Variants in SGCZ observed in about 807,000 individuals in gnomAD.
SGCZ encodes zeta-sarcoglycan.
In SGCZ, 40 loss-of-function variants were observed where a neutral mutation model predicts 41.3. The ratio of observed to expected loss-of-function variants is 0.97; its 90% confidence interval spans 0.75 to 1.26. SGCZ has a LOEUF of 1.26. SGCZ is among the 50% of genes most tolerant of loss of function. The pLI, the probability that SGCZ is intolerant of heterozygous loss-of-function variation, is 0.00. For synonymous variants in SGCZ, 206 were observed against 137.5 expected (o/e 1.50, Z -3.49); for missense variants, 552 against 369.8 (o/e 1.49, Z -4.04).
rs184218197 is a variant in SGCZ, at chr8:14,192,918, G to C, written c.425-28216C>G. Among the ~76,000 whole-genome samples, 620 of 152,038 alleles carry C rather than the reference G, an allele frequency of 4.1e-3. 2 individuals are homozygous for C. The highest frequency in any genetic ancestry group is 0.014 in the Middle Eastern group (4 of 294). ...TTTATACATTATATGTTTATGATTG[G>C]TGTACATGTCCGTGTATATTCAAAG... is the stretch of plus-strand genomic sequence containing the variant. On this transcript the variant is annotated intron_variant, in intron 4 of 7. Coordinates refer to ENST00000382080, the MANE Select transcript of SGCZ (RefSeq NM_139167.4).
intron 2 of SGCZ, among the ~76,000 whole-genome samples, chr8:14,480,187 A>G (rs1162843810): frequency 6.6e-6 from 1 of 152,228 alleles, no homozygotes; most frequent in Admixed American, 6.5e-5. Flanking sequence ...AATATAGGTA[A>G]CTATTTATAC....
intron 2 of SGCZ, among the ~76,000 whole-genome samples, chr8:14,510,648 C>T (rs1802441329): frequency 6.6e-6 from 1 of 152,116 alleles, no homozygotes; most frequent in African/African-American, 2.4e-5. Context: ...GAAGTGAGGC[C>T]TGTAAGGGCA....
At chr8:14,818,948 T>G (rs990112195) in intron 1 of SGCZ, among the ~76,000 whole-genome samples, 1 of 151,916 alleles carries the variant, frequency 6.6e-6, no homozygotes, top group African/African-American at 2.4e-5. Flanking sequence ...GGTATTCCAG[T>G]TGTAGAAGAG....
intron 1 of SGCZ, among the ~76,000 whole-genome samples, chr8:15,024,584 A>T (rs549115798): frequency 6.6e-6 from 1 of 152,340 alleles, no homozygotes; most frequent in Middle Eastern, 3.4e-3. Context: ...GATAAAAGAA[A>T]AAGTAGAGCA....
intron 1 of SGCZ, among the ~76,000 whole-genome samples, chr8:14,820,843 G>C (rs528106606): frequency 5.6e-4 from 84 of 150,866 alleles, no homozygotes; most frequent in South Asian, 1.5e-3. Context: ...ATTCCTAAGA[G>C]GGAGGTTAGC....
intron 1 of SGCZ, among the ~76,000 whole-genome samples, chr8:14,897,234 G>C (rs1166829996): frequency 6.6e-6 from 1 of 152,018 alleles, no homozygotes; most frequent in Non-Finnish European, 1.5e-5. Context: ...GGAAATGGTT[G>C]GTGAATATAA....
intron 1 of SGCZ, among the ~76,000 whole-genome samples, chr8:14,964,252 C>T (rs552415510): frequency 6.6e-6 from 1 of 152,270 alleles, no homozygotes; most frequent in African/African-American, 2.4e-5. Flanking sequence ...TACATTAGCT[C>T]ACTAAAATGA....
chr8:14,324,703 A>ACACTG (rs1802034136), intron 2 of SGCZ, among the ~76,000 whole-genome samples: 1 of 152,178 alleles, frequency 6.6e-6, no homozygotes, highest in South Asian at 2.1e-4. Context: ...AACCATGAGT[A>ACACTG]GGTGTCTGTC....
intron 1 of SGCZ, among the ~76,000 whole-genome samples, chr8:15,004,616 G>A (rs7814519): frequency 1.3e-5 from 2 of 151,916 alleles, no homozygotes; most frequent in African/African-American, 2.4e-5. Flanking sequence ...ACCGTTTCTC[G>A]CTATATAAAC....
At chr8:14,320,879 C>T (rs1342985403) in intron 3 of SGCZ, among the ~76,000 whole-genome samples, 2 of 152,016 alleles carry the variant, frequency 1.3e-5, no homozygotes, top group African/African-American at 4.8e-5. Context: ...ATAAGAGGTT[C>T]TGAAGAACTA....
intron 2 of SGCZ, among the ~76,000 whole-genome samples, chr8:14,335,716 A>T (rs562176899): frequency 1.3e-5 from 2 of 152,108 alleles, no homozygotes; most frequent in African/African-American, 4.8e-5. Flanking sequence ...CTTGCTGAAG[A>T]TATCTTCCAT....
intron 1 of SGCZ, among the ~76,000 whole-genome samples, chr8:14,594,380 T>C (rs542751701): frequency 1.3e-5 from 2 of 151,806 alleles, no homozygotes; most frequent in African/African-American, 2.4e-5. Flanking sequence ...AAAAAAAACA[T>C]GAAAACTGGA....
intron 1 of SGCZ, among the ~76,000 whole-genome samples, chr8:14,713,986 T>G (rs990378546): frequency 6.6e-6 from 1 of 152,166 alleles, no homozygotes; most frequent in African/African-American, 2.4e-5. Flanking sequence ...GTTTTTGTTT[T>G]CAGATGGAGT....
At chr8:14,514,913 G>A (rs919997051) in intron 2 of SGCZ, among the ~76,000 whole-genome samples, 4 of 150,646 alleles carry the variant, frequency 2.7e-5, no homozygotes, top group Admixed American at 6.6e-5. Flanking sequence ...TTTCTATTAT[G>A]TTACACCATA....
Position 14,236,346 on chromosome 8 carries a change from C to A in SGCZ, c.424+1246G>T, listed in dbSNP as rs535838766. Reference sequence around the variant, plus strand: ...CAATTAATAGATATGTAATGACAAACTTTTATGATGTAAAGCAAAGCAATT... The same window carrying A: ...CAATTAATAGATATGTAATGACAAAATTTTATGATGTAAAGCAAAGCAATT... On this transcript the variant is annotated intron_variant, in intron 4 of 7. Transcript: ENST00000382080. 3.9e-5 allele frequency among the ~76,000 whole-genome samples: 6 copies of A among 152,106 alleles called. No individual in the cohort carries two copies. The South Asian group carries it at 8.3e-4, about 21-fold the overall frequency.
chr8:14,136,141 T>A (rs1803190100), intron 5 of SGCZ, among the ~76,000 whole-genome samples: 1 of 152,124 alleles, frequency 6.6e-6, no homozygotes, highest in South Asian at 2.1e-4. Flanking sequence ...AGCCAAAATA[T>A]GAAATGCTCT....
intron 1 of SGCZ, among the ~76,000 whole-genome samples, chr8:14,850,721 G>A (rs1212850596): frequency 6.6e-6 from 1 of 152,160 alleles, no homozygotes. Context: ...TCAAGGGAGA[G>A]ACCAGGTGGA....
At chr8:14,200,607 TTTTG>T (rs1013274098) in intron 4 of SGCZ, among the ~76,000 whole-genome samples, 4 of 152,254 alleles carry the variant, frequency 2.6e-5, no homozygotes, top group South Asian at 2.1e-4. Flanking sequence ...AGAGGTGTTT[TTTTG>T]TTTGTTTGTT....
Position 15,088,861 on chromosome 8 carries a change from A to T in SGCZ, c.39+148724T>A, listed in dbSNP as rs187690872. 4.6e-3 allele frequency among the ~76,000 whole-genome samples: 702 copies of T among 152,288 alleles called. 6 individuals are homozygous for T. Among genetic ancestry groups the T allele is most frequent in the African/African-American group, 0.014 (590 of 41,576 alleles). Reference sequence around the variant, plus strand: ...TGGCCTTTGCACCACAATTGCAAACAAATAATGGTTTGTTTTAGCTTTCCT... The same window carrying T: ...TGGCCTTTGCACCACAATTGCAAACTAATAATGGTTTGTTTTAGCTTTCCT... On this transcript the variant is annotated intron_variant, in intron 1 of 7. Coordinates refer to ENST00000382080, the MANE Select transcript of SGCZ (RefSeq NM_139167.4).
Sources: allele counts gnomAD v4.1 joint callset (sites outside exome capture counted in the v4.1 genomes callset), GRCh38; gene constraint gnomAD v4.1.1; transcripts MANE v1.5; gene names NCBI Gene and HGNC (gene_info 2026-07-23, HGNC 2026-07-21).